The following NME7 variants were observed in gnomAD, a reference collection of about 807,000 sequenced individuals.
NME7 encodes nucleoside diphosphate kinase 7.
Under a neutral mutation model 49.1 loss-of-function variants are expected in NME7, and 41 were observed. The ratio of observed to expected loss-of-function variants is 0.83; its 90% CI spans 0.65 to 1.08. The LOEUF is 1.08. Among genes scored for constraint, NME7 ranks in the 50% least tolerant of loss-of-function variants. NME7 has a pLI of 0.00. For synonymous variants in NME7, 139 were observed against 150.6 expected, an observed-to-expected ratio of 0.92 and a Z score of 0.56; for missense variants, 423 against 463.4, an observed-to-expected ratio of 0.91 and a Z score of 0.80.
chr1:169,168,224 G>A (rs1161152548), intron 11 of NME7, among the ~76,000 whole-genome samples: 1 of 152,124 alleles, frequency 6.6e-6, no homozygotes, highest in South Asian at 2.1e-4. Context: ...CCTCTTCCAA[G>A]TGTACTTTCC....
At chr1:169,252,720 T>C (rs1322724632) in intron 7 of NME7, among the ~76,000 whole-genome samples, 2 of 150,644 alleles carry the variant, frequency 1.3e-5, no homozygotes, top group South Asian at 2.1e-4. Flanking sequence ...CTTTAATCCA[T>C]CTTGAATTGA....
At chr1:169,207,745 AG>A (rs949100029) in intron 10 of NME7, among the ~76,000 whole-genome samples, 2 of 152,146 alleles carry the variant, frequency 1.3e-5, no homozygotes, top group Non-Finnish European at 2.9e-5. Context: ...GAAATTCAAA[AG>A]CAGGAAAGCA....
intron 10 of NME7, among the ~76,000 whole-genome samples, chr1:169,223,646 A>G (rs1234387880): frequency 1.3e-5 from 2 of 152,042 alleles, no homozygotes; most frequent in Non-Finnish European, 1.5e-5. Context: ...TGCTTCCCCT[A>G]GTTCTGGAAT....
chr1:169,231,157 TC>T (rs1476755913), intron 9 of NME7, among the ~76,000 whole-genome samples: 1 of 152,164 alleles, frequency 6.6e-6, no homozygotes, highest in Non-Finnish European at 1.5e-5. Context: ...TATATAAATT[TC>T]AAAGGTTTTA....
chr1:169,296,968 T>C (rs1650734721), intron 6 of NME7, among the ~76,000 whole-genome samples: 1 of 150,474 alleles, frequency 6.6e-6, no homozygotes, highest in African/African-American at 2.4e-5. Context: ...TTGCCCTCTA[T>C]AGTCATTCTT....
intron 5 of NME7, among the ~76,000 whole-genome samples, chr1:169,300,319 G>A (rs12063863): frequency 0.062 from 9,424 of 152,044 alleles, 380 homozygotes; most frequent in East Asian, 0.12. Context: ...GAAGGCTTAG[G>A]AATATTTTAT....
intron 11 of NME7, among the ~76,000 whole-genome samples, chr1:169,162,323 A>G (rs1334415990): frequency 2.0e-5 from 3 of 152,110 alleles, no homozygotes; most frequent in Non-Finnish European, 4.4e-5. Flanking sequence ...ACTTATACAT[A>G]CAATTAAATA....
At chr1:169,299,747 C>T (rs1650866113) in intron 5 of NME7, among the ~76,000 whole-genome samples, 1 of 152,060 alleles carries the variant, frequency 6.6e-6, no homozygotes, top group Non-Finnish European at 1.5e-5. Context: ...TTCTAAAAAA[C>T]AGCATGTACA....
At chr1:169,236,390 G>A (rs1289404948) in intron 8 of NME7, among the ~76,000 whole-genome samples, 1 of 152,102 alleles carries the variant, frequency 6.6e-6, no homozygotes. Flanking sequence ...ACAAGTCCAC[G>A]ACTGTGTTTG....
intron 10 of NME7, among the ~76,000 whole-genome samples, chr1:169,194,735 A>G (rs1002635530): frequency 1.4e-4 from 22 of 152,200 alleles, no homozygotes; most frequent in African/African-American, 5.1e-4. Flanking sequence ...TCTTAGCTGT[A>G]ATAGAAGATG....
intron 10 of NME7, among the ~76,000 whole-genome samples, chr1:169,214,323 A>G (rs1159861677): frequency 6.6e-6 from 1 of 152,188 alleles, no homozygotes; most frequent in African/African-American, 2.4e-5. Context: ...CTGCTCTCTG[A>G]GCCTGCTGAA....
chr1:169,135,462 A>G (rs1045474459), intron 11 of NME7, among the ~76,000 whole-genome samples: 5 of 152,236 alleles, frequency 3.3e-5, no homozygotes, highest in Non-Finnish European at 7.3e-5. Context: ...TTGAAAATCT[A>G]GGACTAAGGG....
chr1:169,315,504 G>T (rs1254980794), intron 3 of NME7, among the ~76,000 whole-genome samples: 1 of 151,994 alleles, frequency 6.6e-6, no homozygotes, highest in Non-Finnish European at 1.5e-5. Context: ...GACCTCAACT[G>T]ATCCACCCGC....
intron 7 of NME7, among the ~76,000 whole-genome samples, chr1:169,246,560 T>C (rs1363294517): frequency 6.6e-6 from 1 of 152,218 alleles, no homozygotes; most frequent in Non-Finnish European, 1.5e-5. Flanking sequence ...AAGAACAAGC[T>C]GTACATTCCT....
At chr1:169,191,949 T>A (rs1048746012) in intron 10 of NME7, among the ~76,000 whole-genome samples, 1 of 152,146 alleles carries the variant, frequency 6.6e-6, no homozygotes, top group African/African-American at 2.4e-5. Context: ...AAATGTAGAA[T>A]CTCAGGCCCC....
chr1:169,132,879 G>A, intron 11 of NME7, 62 bp from the exon 12 acceptor site: 1 of 1,407,710 alleles, frequency 7.1e-7, no homozygotes, highest in Non-Finnish European at 1.0e-6. Context: ...CCACTTAACA[G>A]AGTCCAAGAG....
intron 11 of NME7, among the ~76,000 whole-genome samples, chr1:169,161,431 T>C (rs1280902341): frequency 6.6e-6 from 1 of 152,234 alleles, no homozygotes; most frequent in Non-Finnish European, 1.5e-5. Context: ...TTGGGGCCTG[T>C]CCAATCATCT....
At chr1:169,165,370 C>A (rs1447977616) in intron 11 of NME7, among the ~76,000 whole-genome samples, 1 of 152,102 alleles carries the variant, frequency 6.6e-6, no homozygotes, top group African/African-American at 2.4e-5. Flanking sequence ...GCCATACTTT[C>A]TGAGCTCTAT....
chr1:169,244,584 C>A (rs560569105), intron 7 of NME7, among the ~76,000 whole-genome samples: 1 of 139,798 alleles, frequency 7.2e-6, no homozygotes, highest in African/African-American at 2.7e-5. Flanking sequence ...TTCAGTGAGC[C>A]GAGATTGCAC....
Sources: allele counts gnomAD v4.1 joint callset (sites outside exome capture counted in the v4.1 genomes callset), GRCh38; gene constraint gnomAD v4.1.1; transcripts MANE v1.5; gene names NCBI Gene and HGNC (gene_info 2026-07-23, HGNC 2026-07-21).